The following TLK1 variants were observed in gnomAD, a reference collection of about 807,000 sequenced individuals.
TLK1 encodes serine/threonine-protein kinase tousled-like 1.
In TLK1, 24 loss-of-function variants were observed where a neutral mutation model predicts 105.3. The ratio of observed to expected loss-of-function variants is 0.23; its 90% confidence interval spans 0.17 to 0.32. The LOEUF is 0.32. Among genes scored for constraint, TLK1 ranks in the 10% least tolerant of loss-of-function variants. The pLI is 1.00. For synonymous variants in TLK1, 321 were observed against 310.4 expected, an observed-to-expected ratio of 1.03 and a Z score of -0.36; for missense variants, 558 against 910.5, an observed-to-expected ratio of 0.61 and a Z score of 4.98.
chr2:170,997,583 AGAG>A (rs767417475), intron 19 of TLK1, 126 bp downstream of exon 19: 51 of 496,822 alleles, frequency 1.0e-4, no homozygotes, highest in Non-Finnish European at 1.6e-4. Context: ...AGGAAGAAAT[AGAG>A]GAGAAGCCTG....
intron 1 of TLK1, among the ~76,000 whole-genome samples, chr2:171,144,323 G>A (rs1357554110): frequency 6.6e-6 from 1 of 151,622 alleles, no homozygotes; most frequent in Non-Finnish European, 1.5e-5. Flanking sequence ...TCAACTAGAT[G>A]GAAAAGACAG....
At chr2:171,162,373 A>G (rs367769588), upstream of TLK1, among the ~76,000 whole-genome samples, 2 of 152,174 alleles carry the variant, frequency 1.3e-5, no homozygotes, top group African/African-American at 4.8e-5. Flanking sequence ...CCCCATCTCT[A>G]CTTAAAATAC....
chr2:171,127,870 A>G (rs1216419087), intron 1 of TLK1, among the ~76,000 whole-genome samples: 4 of 152,140 alleles, frequency 2.6e-5, no homozygotes, highest in African/African-American at 7.2e-5. Flanking sequence ...CCATCTATCT[A>G]CATATATAGA....
chr2:171,011,377 T>A lies in TLK1; in HGVS notation c.1412A>T (p.Tyr471Phe). 6.2e-7 allele frequency: 1 copy of A among 1,611,224 alleles called. No individual in the cohort carries two copies. Among genetic ancestry groups the A allele is most frequent in the Non-Finnish European group, 8.5e-7 (1 of 1,178,346 alleles). Residue 471 changes from tyrosine to phenylalanine, a missense_variant, in exon 14 of 21, where the codon TAT becomes TTT. Tyr to Phe is a conservative substitution (Grantham distance 22, BLOSUM62 3). Transcript: ENST00000431350. ...LLGRGGFSEV[Y>F]KAFDLYEQRY... ...ACAGAATAAAACATACATTACCTTA[T>A]ACACTTCACTAAAGCCACCTCTACC...
chr2:171,080,531 GAA>G (rs1688702859), intron 3 of TLK1, among the ~76,000 whole-genome samples: 1 of 131,194 alleles, frequency 7.6e-6, no homozygotes. Context: ...TCCTTAAATG[GAA>G]AGATACACTA....
intron 5 of TLK1, among the ~76,000 whole-genome samples, chr2:171,057,673 C>T (rs1687567101): frequency 6.6e-6 from 1 of 152,006 alleles, no homozygotes; most frequent in East Asian, 1.9e-4. Flanking sequence ...TTAATAATTA[C>T]ACTTGATAGT....
At chr2:171,181,107 T>C (rs538662245) in intron 1 of TLK1, among the ~76,000 whole-genome samples, 138 of 152,354 alleles carry the variant, frequency 9.1e-4, no homozygotes, top group Non-Finnish European at 1.6e-3. Flanking sequence ...GAAGAATTAA[T>C]GTCTCATTGA....
At position 171,006,187 on chromosome 2, in the gene TLK1, C is replaced by T; in HGVS notation, c.1864G>A (p.Asp622Asn). 6.2e-7 allele frequency: 1 copy of T among 1,609,304 alleles called. No individual in the cohort carries two copies. Among genetic ancestry groups the T allele is most frequent in the Non-Finnish European group, 8.5e-7 (1 of 1,178,056 alleles). ...CCCTGGGAAGTTAGATCCATTCCATCTACACCATAGCTATCATCATCCATA... is the reference window on the plus strand; with the variant it reads ...CCCTGGGAAGTTAGATCCATTCCATTTACACCATAGCTATCATCATCCATA... ...KIMDDDSYGV[D>N]GMDLTSQGAG... is the part of the protein sequence containing the mutation. The change falls in exon 18 of 21, where the codon GAT (aspartate) becomes AAT (asparagine). Residue 622 changes from aspartate (D) to asparagine (N), a missense_variant. Asp to Asn is a conservative substitution (Grantham distance 23, BLOSUM62 1). Transcript: ENST00000431350.
At chr2:171,048,457 A>T (rs536023373) in intron 10 of TLK1, among the ~76,000 whole-genome samples, 5 of 152,272 alleles carry the variant, frequency 3.3e-5, no homozygotes, top group African/African-American at 1.2e-4. Flanking sequence ...TTCATGCTTT[A>T]ATCACCTTTC....
In TLK1 at chr2:170,990,885, CTT is replaced by C. The variant is rs956699446; in HGVS notation, c.*2893_*2894del. 3.3e-5 allele frequency: 5 copies of C among 151,944 alleles called. No individual in the cohort carries two copies. The highest frequency in any genetic ancestry group is 1.9e-4 in the East Asian group (1 of 5,190). 9.4% of individuals were successfully genotyped at this position (151,944 alleles called of 1,614,324 possible). On this transcript the variant is annotated 3_prime_UTR_variant, in exon 21 of 21. Coordinates refer to ENST00000431350, the MANE Select transcript of TLK1 (RefSeq NM_012290.5). ...ACAGCAAAACAACACACAATATACT[CTT>C]TAAATGTTTCACTGAAGCTCTTCAC...
In TLK1 at chr2:171,114,170, C is replaced by T. The variant is rs138004067; in HGVS notation, c.258+3569G>A. 4.6e-3 allele frequency among the ~76,000 whole-genome samples: 704 copies of T among 151,936 alleles called. 7 individuals carry two copies. Among genetic ancestry groups the T allele is most frequent in the African/African-American group, 0.016 (664 of 41,398 alleles). On this transcript the variant is annotated intron_variant, in intron 2 of 20. Transcript: ENST00000431350. ...TTACTTATTATTTTCATCAATTATT[C>T]CCAACTATACTAAAAAACAAAATAA...
chr2:171,093,353 A>C (rs959039052), intron 2 of TLK1, among the ~76,000 whole-genome samples: 1 of 152,196 alleles, frequency 6.6e-6, no homozygotes, highest in Non-Finnish European at 1.5e-5. Context: ...GGATTTGGGC[A>C]ATTAGATGGA....
chr2:171,177,757 A>G (rs997855361), intron 1 of TLK1, among the ~76,000 whole-genome samples: 2 of 152,202 alleles, frequency 1.3e-5, no homozygotes, highest in East Asian at 3.8e-4. Flanking sequence ...TTGAACAAAA[A>G]GCTTTTATAT....
At chr2:171,050,702 T>G (rs1292684217) in intron 8 of TLK1, among the ~76,000 whole-genome samples, 2 of 152,224 alleles carry the variant, frequency 1.3e-5, no homozygotes, top group East Asian at 3.8e-4. Context: ...CATTCTTCCT[T>G]AGCAATAGGA....
chr2:171,059,120 C>G (rs1266123020), intron 4 of TLK1, among the ~76,000 whole-genome samples: 2 of 152,152 alleles, frequency 1.3e-5, no homozygotes, highest in South Asian at 4.1e-4. Flanking sequence ...ACTACCAATG[C>G]TACCTAGAAA....
At chr2:171,140,755 T>A (rs1002962658) in intron 1 of TLK1, among the ~76,000 whole-genome samples, 1 of 152,064 alleles carries the variant, frequency 6.6e-6, no homozygotes, top group Non-Finnish European at 1.5e-5. Flanking sequence ...TCATACACAA[T>A]AAAAATTAAC....
chr2:171,010,558 A>G (rs1390138137), intron 14 of TLK1, among the ~76,000 whole-genome samples: 2 of 152,008 alleles, frequency 1.3e-5, no homozygotes, highest in Non-Finnish European at 2.9e-5. Flanking sequence ...GGGAGAATAC[A>G]GAATGATAAA....
At chr2:171,058,373 T>G (rs1034810120) in intron 4 of TLK1, among the ~76,000 whole-genome samples, 176 bp from the exon 5 acceptor site, 9 of 152,186 alleles carry the variant, frequency 5.9e-5, no homozygotes, top group African/African-American at 2.2e-4. Context: ...AAATAAATGA[T>G]GTAAGTGATG....
intron 1 of TLK1, among the ~76,000 whole-genome samples, chr2:171,148,890 A>AAAAT (rs1445171800): frequency 7.2e-6 from 1 of 138,458 alleles, no homozygotes; most frequent in African/African-American, 2.7e-5. Flanking sequence ...AAAAAAAAAA[A>AAAAT]ATATATATAT....
Sources: allele counts gnomAD v4.1 joint callset (sites outside exome capture counted in the v4.1 genomes callset), GRCh38; gene constraint gnomAD v4.1.1; transcripts MANE v1.5; gene names NCBI Gene and HGNC (gene_info 2026-07-23, HGNC 2026-07-21).